Variants in ARHGAP6 observed in about 807,000 individuals in gnomAD.
ARHGAP6 encodes rho GTPase-activating protein 6.
In ARHGAP6, 16 loss-of-function variants were observed where a neutral mutation model predicts 55.7. The observed-to-expected ratio is 0.29, with a 90% CI of 0.19 to 0.44. The LOEUF (loss-of-function observed/expected upper bound fraction) is 0.44, where lower values mean the gene tolerates loss of function less well. Among genes scored for constraint, ARHGAP6 ranks in the 20% least tolerant of loss-of-function variants. The pLI, the probability that ARHGAP6 is intolerant of heterozygous loss-of-function variation, is 1.00. For missense variants in ARHGAP6, 698 were observed against 808.9 expected (o/e 0.86, Z 1.66); for synonymous variants, 382 against 360.9 (o/e 1.06, Z -0.66).
At chrX:11,509,779 T>C (rs1306439233) in intron 1 of ARHGAP6, among the ~76,000 whole-genome samples, 1 of 112,109 alleles carries the variant, frequency 8.9e-6, no homozygotes, top group African/African-American at 3.2e-5. Context: ...GTGTTAAAAG[T>C]TGCATCAACA....
chrX:11,468,834 T>C (rs570766612), intron 1 of ARHGAP6, among the ~76,000 whole-genome samples: 2 of 112,555 alleles, frequency 1.8e-5, no homozygotes, highest in East Asian at 5.6e-4. Flanking sequence ...TTGTATCCCT[T>C]TGAAGTGGAT....
chrX:11,485,197 C>A (rs936478378), intron 1 of ARHGAP6, among the ~76,000 whole-genome samples: 1 of 112,421 alleles, frequency 8.9e-6, no homozygotes, highest in African/African-American at 3.2e-5. Context: ...AGTGTAAATA[C>A]GTAGTTCTAA....
rs777689466 is a variant in ARHGAP6, at chrX:11,244,180, A to C, written c.748+10368T>G. ...ACTGCATAAAAAATAACAATGAATTACTATAATATTAATTTCAAATTAGGG... is the reference window on the plus strand; with the variant it reads ...ACTGCATAAAAAATAACAATGAATTCCTATAATATTAATTTCAAATTAGGG... On this transcript the variant is annotated intron_variant, in intron 2 of 12. Transcript: ENST00000337414. Among the ~76,000 whole-genome samples, 83 of 112,232 alleles carry C rather than the reference A, an allele frequency of 7.4e-4. No individual in the cohort carries two copies. In the South Asian group the frequency reaches 0.013, roughly 18 times the overall value.
intron 1 of ARHGAP6, among the ~76,000 whole-genome samples, chrX:11,582,303 G>T (rs1008509933): frequency 9.0e-6 from 1 of 111,072 alleles, no homozygotes; most frequent in African/African-American, 3.3e-5. Context: ...ACTGTGAACC[G>T]GTCAACACAG....
chrX:11,445,716 G>A (rs1414918898), intron 1 of ARHGAP6, among the ~76,000 whole-genome samples: 3 of 111,588 alleles, frequency 2.7e-5, no homozygotes, highest in South Asian at 7.6e-4. Flanking sequence ...TTTGGTTGTC[G>A]TGACGAGGGT....
At chrX:11,614,239 G>C (rs897160451) in intron 1 of ARHGAP6, among the ~76,000 whole-genome samples, 13 of 111,909 alleles carry the variant, frequency 1.2e-4, no homozygotes, top group African/African-American at 4.2e-4. Flanking sequence ...GAAAGGGATT[G>C]TTTCAGTGTA....
chrX:11,572,960 T>C (rs1395809357), intron 1 of ARHGAP6, among the ~76,000 whole-genome samples: 1 of 112,543 alleles, frequency 8.9e-6, no homozygotes, highest in African/African-American at 3.2e-5. Flanking sequence ...CATTTTTTCA[T>C]GTGTCTGTTG....
At chrX:11,505,830 T>A (rs750194208) in intron 1 of ARHGAP6, among the ~76,000 whole-genome samples, 50 of 111,279 alleles carry the variant, frequency 4.5e-4, no homozygotes, top group African/African-American at 1.6e-3. Context: ...TTCTCACTTA[T>A]AAGTGAGAGC....
intron 1 of ARHGAP6, among the ~76,000 whole-genome samples, chrX:11,623,832 A>T (rs757121703): frequency 1.6e-4 from 18 of 112,230 alleles, no homozygotes; most frequent in Non-Finnish European, 2.8e-4. Flanking sequence ...GATTCAATGC[A>T]ATCCCTATCA....
intron 1 of ARHGAP6, among the ~76,000 whole-genome samples, chrX:11,608,992 T>C (rs1418455485): frequency 1.8e-5 from 2 of 111,533 alleles, no homozygotes; most frequent in African/African-American, 6.5e-5. Flanking sequence ...GATTCCGTCA[T>C]AACTAAAAAA....
At chrX:11,557,460 T>G (rs1305640741) in intron 1 of ARHGAP6, among the ~76,000 whole-genome samples, 1 of 106,663 alleles carries the variant, frequency 9.4e-6, no homozygotes, top group African/African-American at 3.5e-5. Flanking sequence ...TTTTTTTTGT[T>G]TTGTGTTGTG....
intron 1 of ARHGAP6, among the ~76,000 whole-genome samples, chrX:11,315,967 G>A (rs2048355871): frequency 9.0e-6 from 1 of 111,592 alleles, no homozygotes; most frequent in African/African-American, 3.3e-5. Flanking sequence ...TCTCTATAGT[G>A]TTCCCCATCT....
At chrX:11,564,343 A>T (rs1274449177) in intron 1 of ARHGAP6, among the ~76,000 whole-genome samples, 2 of 111,262 alleles carry the variant, frequency 1.8e-5, no homozygotes, top group African/African-American at 3.3e-5. Context: ...AAATTTCCTT[A>T]AAAAAAGATT....
chrX:11,599,859 T>C (rs1009819750), intron 1 of ARHGAP6, among the ~76,000 whole-genome samples: 2 of 112,199 alleles, frequency 1.8e-5, no homozygotes, highest in African/African-American at 6.5e-5. Context: ...ACAATGTATA[T>C]GTATATCAAA....
intron 1 of ARHGAP6, among the ~76,000 whole-genome samples, chrX:11,483,630 T>C (rs2050480855): frequency 9.4e-6 from 1 of 106,647 alleles, no homozygotes; most frequent in East Asian, 3.0e-4. Context: ...TCTAGCTCTG[T>C]GAGATAATCA....
intron 1 of ARHGAP6, among the ~76,000 whole-genome samples, chrX:11,358,139 A>G (rs1485562193): frequency 8.9e-6 from 1 of 112,126 alleles, no homozygotes; most frequent in Non-Finnish European, 1.9e-5. Flanking sequence ...GTCATACAAT[A>G]TGTAGCCTTT....
intron 1 of ARHGAP6, among the ~76,000 whole-genome samples, chrX:11,285,731 T>C (rs1399325403): frequency 1.8e-5 from 2 of 112,483 alleles, no homozygotes; most frequent in Admixed American, 1.9e-4. Context: ...ATGATTTCTT[T>C]AGCCCGTTTA....
rs1002449114 is a variant in ARHGAP6 at position 11,335,842 on chromosome X, G to C, written c.589-81135C>G. ...TGGCTCTGGCAGAGGCCATGGTGGGGAGGCCTAGGTAAAAGGTGGCAGCGA... is the reference window on the plus strand; with the variant it reads ...TGGCTCTGGCAGAGGCCATGGTGGGCAGGCCTAGGTAAAAGGTGGCAGCGA... On this transcript the variant is annotated intron_variant, in intron 1 of 12. Transcript: ENST00000337414. 3.8e-5 allele frequency: 9 copies of C among 235,297 alleles called. No homozygotes were observed. In the Admixed American group the frequency reaches 4.7e-4, roughly 12 times the overall value. The allele number at this position is 235,297 out of a possible 1,213,427, so 19.4% of individuals were successfully genotyped here. A position where few individuals can be genotyped will look rare whatever the true frequency, so the allele number is the denominator to read the frequency against.
intron 4 of ARHGAP6, among the ~76,000 whole-genome samples, chrX:11,187,708 A>T (rs1415878222): frequency 8.9e-6 from 1 of 111,910 alleles, no homozygotes; most frequent in East Asian, 2.8e-4. Context: ...AGTCTTCAAC[A>T]GCTGGAGGTG....
Sources: allele counts gnomAD v4.1 joint callset (sites outside exome capture counted in the v4.1 genomes callset), GRCh38; gene constraint gnomAD v4.1.1; transcripts MANE v1.5; gene names NCBI Gene and HGNC (gene_info 2026-07-23, HGNC 2026-07-21).